The following KREMEN1 variants were observed in gnomAD, a reference collection of about 807,000 sequenced individuals.
KREMEN1 encodes kringle containing transmembrane protein 1.
KREMEN1 carries 30 observed loss-of-function variants against 46.5 expected under a neutral mutation model. That is an observed-to-expected ratio of 0.65 (90% CI 0.48 to 0.88). The LOEUF (loss-of-function observed/expected upper bound fraction) is 0.88, where lower values mean the gene tolerates loss of function less well. Ranked by LOEUF, KREMEN1 falls within the 40% of genes least tolerant of loss-of-function variation. The pLI is 0.00. For synonymous variants in KREMEN1, 214 were observed against 230.6 expected (o/e 0.93, Z 0.65); for missense variants, 533 against 596.9 (o/e 0.89, Z 1.11).
At position 29,146,169 on chromosome 22, in the gene KREMEN1, T is replaced by C; in HGVS notation, c.*4057T>C. Reference sequence around the variant, plus strand: ...CTCCCGTGTGGTGTTTGATGTCGGCTTTTGTTCCTACCTTGGGAGTTTGGA... The same window carrying C: ...CTCCCGTGTGGTGTTTGATGTCGGCCTTTGTTCCTACCTTGGGAGTTTGGA... On this transcript the variant is annotated 3_prime_UTR_variant, in exon 9 of 9. Transcript: ENST00000400335. The C allele has an allele frequency of 1.0e-6, 1 of 980,696 alleles. No homozygotes were observed. The highest frequency in any genetic ancestry group is 1.2e-6 in the Non-Finnish European group (1 of 829,410). 60.7% of individuals were successfully genotyped at this position (980,696 alleles called of 1,614,324 possible).
intron 1 of KREMEN1, among the ~76,000 whole-genome samples, chr22:29,077,450 A>G (rs992860716): frequency 6.6e-6 from 1 of 152,194 alleles, no homozygotes; most frequent in Non-Finnish European, 1.5e-5. Context: ...CCCGGGTTCT[A>G]GCAGTTCTCC....
chr22:29,111,082 G>A (rs1007271927), intron 3 of KREMEN1, among the ~76,000 whole-genome samples: 13 of 151,942 alleles, frequency 8.6e-5, no homozygotes, highest in Non-Finnish European at 1.8e-4. Flanking sequence ...TGAGGCAGGA[G>A]GATCACTGGA....
chr22:29,083,669 T>C lies in KREMEN1; in HGVS notation c.97+10442T>C, dbSNP rs552480874. On this transcript the variant is annotated intron_variant, in intron 1 of 8. Coordinates refer to ENST00000400335, the MANE Select transcript of KREMEN1 (RefSeq NM_001039570.3). ...GAACATGGGGAAACCCTGTCTCTAC[T>C]AAAAATACAAAAGTTAGCCAGCCAT... 5.9e-5 allele frequency among the ~76,000 whole-genome samples: 9 copies of C among 152,220 alleles called. No individual in the cohort carries two copies. The East Asian group carries it at 1.5e-3, about 26-fold the overall frequency.
intron 3 of KREMEN1, among the ~76,000 whole-genome samples, chr22:29,107,780 A>G (rs1285633034): frequency 6.6e-6 from 1 of 152,088 alleles, no homozygotes; most frequent in African/African-American, 2.4e-5. Context: ...GCTACTCAGG[A>G]GGATTGCTTG....
chr22:29,081,389 C>T (rs1478052909), intron 1 of KREMEN1, among the ~76,000 whole-genome samples: 1 of 152,138 alleles, frequency 6.6e-6, no homozygotes, highest in East Asian at 1.9e-4. Flanking sequence ...TTCAGACAAA[C>T]ACCAAATAAT....
At chr22:29,120,049 T>TGATGAA (rs2038308530) in intron 3 of KREMEN1, among the ~76,000 whole-genome samples, 1 of 39,090 alleles carries the variant, frequency 2.6e-5, no homozygotes, top group African/African-American at 1.5e-4. Context: ...GAGGTGATGA[T>TGATGAA]GGAAACAGGG....
intron 3 of KREMEN1, among the ~76,000 whole-genome samples, chr22:29,115,524 G>A (rs1180208985): frequency 6.6e-6 from 1 of 152,148 alleles, no homozygotes; most frequent in East Asian, 1.9e-4. Flanking sequence ...TCAGCATATA[G>A]TCCTAGAGCA....
chr22:29,092,973 C>CA (rs2037826229), intron 1 of KREMEN1, among the ~76,000 whole-genome samples: 1 of 151,858 alleles, frequency 6.6e-6, no homozygotes, highest in African/African-American at 2.4e-5. Context: ...AGACTCCATT[C>CA]AAAAAATAAA....
At chr22:29,099,325 G>A (rs2037937185) in intron 3 of KREMEN1, 1 of 172,994 alleles carries the variant, frequency 5.8e-6, no homozygotes, top group Non-Finnish European at 1.2e-5. Flanking sequence ...CTCAGTTATG[G>A]CACTACTTAT....
chr22:29,099,031 G>A (rs924273877), intron 3 of KREMEN1, 78 bp downstream of exon 3: 6 of 1,066,924 alleles, frequency 5.6e-6, no homozygotes, highest in African/African-American at 1.6e-5. Flanking sequence ...CCCTGCCAGA[G>A]GTCAGGTAGT....
Position 29,131,556 on chromosome 22 carries a change from ATATATGTGTGTGTG to A in KREMEN1, c.632-5784_632-5771del, listed in dbSNP as rs1311736731. On this transcript the variant is annotated intron_variant, in intron 5 of 8. Coordinates refer to ENST00000400335, the MANE Select transcript of KREMEN1 (RefSeq NM_001039570.3). ...TATATATATATATATATATATATAT[ATATATGTGTGTGTG>A]TGTGTGTGTGTGTGTGTGTGTGTGT... 1.0e-3 allele frequency among the ~76,000 whole-genome samples: 73 copies of A among 72,056 alleles called. 1 individual carries two copies. The highest frequency in any genetic ancestry group is 4.5e-3 in the African/African-American group (67 of 14,984). The allele number at this position is 72,056 out of a possible 152,430, so 47.3% of individuals were successfully genotyped here. A position where few individuals can be genotyped will look rare whatever the true frequency, so the allele number is the denominator to read the frequency against.
At position 29,144,413 on chromosome 22, in the gene KREMEN1, T is replaced by C; in HGVS notation, c.*2301T>C. The stretch of plus-strand genomic sequence containing the variant: ...TGTCACAGGCAGGCAGGGGCAGGAC[T>C]GCCACCCCAGGCCCCGTGGGAGGCC... On this transcript the variant is annotated 3_prime_UTR_variant, in exon 9 of 9. Coordinates refer to ENST00000400335, the MANE Select transcript of KREMEN1 (RefSeq NM_001039570.3). The C allele has an allele frequency of 3.0e-6, 3 of 985,762 alleles. No individual in the cohort carries two copies. Among genetic ancestry groups the C allele is most frequent in the Non-Finnish European group, 3.6e-6 (3 of 830,162 alleles). 61.1% of individuals were successfully genotyped at this position (985,762 alleles called of 1,614,324 possible).
chr22:29,109,260 G>C (rs2038106698), intron 3 of KREMEN1, among the ~76,000 whole-genome samples: 1 of 152,084 alleles, frequency 6.6e-6, no homozygotes, highest in African/African-American at 2.4e-5. Context: ...AGCACACTAG[G>C]GACTTAAAAA....
At chr22:29,162,252 T>C (rs2039018165) in intron 9 of KREMEN1, among the ~76,000 whole-genome samples, 1 of 152,118 alleles carries the variant, frequency 6.6e-6, no homozygotes, top group South Asian at 2.1e-4. Flanking sequence ...ATCATCCCAA[T>C]AGATGCAGAA....
chr22:29,085,190 T>G (rs2145745089), intron 1 of KREMEN1, among the ~76,000 whole-genome samples: 1 of 152,366 alleles, frequency 6.6e-6, no homozygotes, highest in African/African-American at 2.4e-5. Flanking sequence ...TTGGTAACTA[T>G]TTTCAAGATG....
In KREMEN1 at chr22:29,125,411, T is replaced by C. The variant is rs1057524917; in HGVS notation, c.626T>C (p.Phe209Ser). Residue 209 changes from phenylalanine to serine, a missense_variant, in exon 5 of 9, where the codon TTT becomes TCT. By Grantham distance (155) the Phe-to-Ser change is radical. Transcript: ENST00000400335. ...GGTGGCGATGGCAGGATCATCCTCTTTGATAGTGAGTATGCCCTGTGCCCA... is the reference window on the plus strand; with the variant it reads ...GGTGGCGATGGCAGGATCATCCTCTCTGATAGTGAGTATGCCCTGTGCCCA... ...PCGGDGRIILFDTLVGACGGN... is the reference protein window; with the variant it reads ...PCGGDGRIILSDTLVGACGGN... 1 of 1,614,138 alleles carries C rather than the reference T, an allele frequency of 6.2e-7. No individual in the cohort carries two copies. Among genetic ancestry groups the C allele is most frequent in the Middle Eastern group, 1.6e-4 (1 of 6,062 alleles).
At chr22:29,125,195 C>T in intron 4 of KREMEN1, 68 bp from the exon 5 acceptor site, 2 of 1,571,400 alleles carry the variant, frequency 1.3e-6, no homozygotes, top group Non-Finnish European at 8.7e-7. Flanking sequence ...GCCCACCCTG[C>T]CAGGCTCCTT....
intron 3 of KREMEN1, among the ~76,000 whole-genome samples, chr22:29,114,988 C>T (rs2038214604): frequency 6.6e-6 from 1 of 152,164 alleles, no homozygotes; most frequent in Non-Finnish European, 1.5e-5. Flanking sequence ...CCAAAGAAGA[C>T]AGTGAGAAGA....
At chr22:29,111,878 C>G (rs1487457060) in intron 3 of KREMEN1, among the ~76,000 whole-genome samples, 1 of 152,146 alleles carries the variant, frequency 6.6e-6, no homozygotes, top group African/African-American at 2.4e-5. Flanking sequence ...TCAAACTGAG[C>G]CTTTACTATG....
Sources: allele counts gnomAD v4.1 joint callset (sites outside exome capture counted in the v4.1 genomes callset), GRCh38; gene constraint gnomAD v4.1.1; transcripts MANE v1.5; gene names NCBI Gene and HGNC (gene_info 2026-07-23, HGNC 2026-07-21).